Variants in CTNNA3 observed in about 807,000 individuals in gnomAD.
CTNNA3 encodes catenin alpha 3.
CTNNA3 carries 76 observed loss-of-function variants against 95.7 expected under a neutral mutation model. The ratio of observed to expected loss-of-function variants is 0.79; its 90% CI spans 0.66 to 0.96. CTNNA3 has a LOEUF of 0.96. CTNNA3 is among the 40% of genes least tolerant of loss of function. The pLI is 0.00. For synonymous variants in CTNNA3, 431 were observed against 374.4 expected (o/e 1.15, Z -1.74); for missense variants, 1,191 against 1,089.8 (o/e 1.09, Z -1.31).
intron 7 of CTNNA3, chr10:66,926,660 C>A: frequency 6.6e-7 from 1 of 1,520,322 alleles, no homozygotes; most frequent in South Asian, 1.1e-5. Flanking sequence ...TGTAATAATT[C>A]TGCCTTAATT....
intron 3 of CTNNA3, among the ~76,000 whole-genome samples, chr10:67,542,055 G>C (rs1235062222): frequency 2.6e-5 from 4 of 152,078 alleles, no homozygotes; most frequent in African/African-American, 9.7e-5. Flanking sequence ...GTATATTCTT[G>C]TCTTTGTTAA....
chr10:67,666,810 T>G (rs1840339452), intron 1 of CTNNA3, among the ~76,000 whole-genome samples: 1 of 152,186 alleles, frequency 6.6e-6, no homozygotes, highest in African/African-American at 2.4e-5. Context: ...GCTTCTCATC[T>G]GTATCACACT....
intron 12 of CTNNA3, among the ~76,000 whole-genome samples, chr10:66,344,894 G>A (rs1325539214): frequency 3.3e-5 from 5 of 151,794 alleles, no homozygotes; most frequent in Admixed American, 3.3e-4. Flanking sequence ...TTGCCCACAA[G>A]TATAAAGCAA....
intron 3 of CTNNA3, among the ~76,000 whole-genome samples, chr10:67,605,573 T>A (rs1843243723): frequency 2.0e-5 from 3 of 152,368 alleles, no homozygotes; most frequent in Non-Finnish European, 4.4e-5. Flanking sequence ...GTCAATTTAC[T>A]TTATTACAGC....
intron 7 of CTNNA3, among the ~76,000 whole-genome samples, chr10:66,981,079 ATTTTTACTAGAGAG>A (rs1850410219): frequency 6.6e-6 from 1 of 151,776 alleles, no homozygotes; most frequent in Non-Finnish European, 1.5e-5. Flanking sequence ...CTAATTTTGT[ATTTTTACTAGAGAG>A]GGATTTCTCC....
intron 7 of CTNNA3, among the ~76,000 whole-genome samples, chr10:67,041,151 A>G (rs1018680542): frequency 3.9e-5 from 6 of 152,112 alleles, no homozygotes; most frequent in Non-Finnish European, 7.4e-5. Context: ...AATTCAGCCA[A>G]AAATGGTTCC....
At chr10:66,148,795 T>C (rs1267534432) in intron 13 of CTNNA3, among the ~76,000 whole-genome samples, 1 of 152,080 alleles carries the variant, frequency 6.6e-6, no homozygotes, top group Non-Finnish European at 1.5e-5. Context: ...TATGTGTGTA[T>C]GTATTTATAA....
At chr10:66,996,843 A>G (rs1288729476) in intron 7 of CTNNA3, among the ~76,000 whole-genome samples, 1 of 152,026 alleles carries the variant, frequency 6.6e-6, no homozygotes, top group Non-Finnish European at 1.5e-5. Context: ...CAGTAATTCT[A>G]AACAATTCCA....
chr10:67,440,673 G>A (rs1421161599), intron 5 of CTNNA3, among the ~76,000 whole-genome samples: 2 of 152,124 alleles, frequency 1.3e-5, no homozygotes, highest in African/African-American at 4.8e-5. Flanking sequence ...AGTAAGAGAA[G>A]AGAACAAGAG....
intron 9 of CTNNA3, among the ~76,000 whole-genome samples, chr10:66,730,814 T>C (rs1163346110): frequency 6.6e-6 from 1 of 152,190 alleles, no homozygotes; most frequent in Non-Finnish European, 1.5e-5. Flanking sequence ...AAAAATACAC[T>C]TCTATCTTGT....
intron 15 of CTNNA3, among the ~76,000 whole-genome samples, chr10:66,017,566 G>A (rs1270842573): frequency 6.6e-6 from 1 of 152,132 alleles, no homozygotes; most frequent in Non-Finnish European, 1.5e-5. Flanking sequence ...TGCTATAGCT[G>A]TGAAAATTTG....
intron 10 of CTNNA3, among the ~76,000 whole-genome samples, chr10:66,558,057 C>A (rs10997233): frequency 0.016 from 2,468 of 152,138 alleles, 38 homozygotes; most frequent in Non-Finnish European, 0.022. Context: ...GTCAGTGATA[C>A]TGGAATGCCA....
intron 7 of CTNNA3, among the ~76,000 whole-genome samples, chr10:67,089,404 G>C (rs1857494622): frequency 6.6e-6 from 1 of 151,920 alleles, no homozygotes; most frequent in Non-Finnish European, 1.5e-5. Flanking sequence ...GTAGAATCAA[G>C]ATAATTAAAA....
intron 17 of CTNNA3, among the ~76,000 whole-genome samples, chr10:65,926,081 A>G (rs981975650): frequency 6.7e-6 from 1 of 150,182 alleles, no homozygotes; most frequent in Non-Finnish European, 1.5e-5. Context: ...TAGATTACAT[A>G]CATGTTAAAT....
intron 11 of CTNNA3, among the ~76,000 whole-genome samples, chr10:66,483,053 CA>C (rs1437444348): frequency 3.3e-5 from 5 of 152,188 alleles, no homozygotes; most frequent in Non-Finnish European, 7.3e-5. Context: ...AATGAGACAG[CA>C]CTGTCAGAAA....
rs1187248880 is a variant in CTNNA3 at position 66,927,980 on chromosome 10, T to C, written c.1048-152456A>G. 6.2e-7 allele frequency: 1 copy of C among 1,614,098 alleles called. No homozygotes were observed. Among genetic ancestry groups the C allele is most frequent in the African/African-American group, 1.3e-5 (1 of 74,938 alleles). ...CAAGGAGTAAATGTGATCGATGCAGTGAAGAACTACAGCATCTGTGGCAAA... is the reference window on the plus strand; with the variant it reads ...CAAGGAGTAAATGTGATCGATGCAGCGAAGAACTACAGCATCTGTGGCAAA... On this transcript the variant is annotated intron_variant, in intron 7 of 17. Coordinates refer to ENST00000433211, the MANE Select transcript of CTNNA3 (RefSeq NM_013266.4). This position sits in a 1 kb window ranked among gnomAD's most constrained non-coding sequence, Gnocchi z 4.7.
chr10:67,662,708 T>C (rs987074809), intron 1 of CTNNA3, among the ~76,000 whole-genome samples: 1 of 152,214 alleles, frequency 6.6e-6, no homozygotes, highest in African/African-American at 2.4e-5. Flanking sequence ...GTTGATGTAA[T>C]CAGTTGACTG....
chr10:66,161,625 T>C (rs2084850871), intron 13 of CTNNA3, among the ~76,000 whole-genome samples: 2 of 152,360 alleles, frequency 1.3e-5, no homozygotes, highest in South Asian at 4.1e-4. Flanking sequence ...CTCACAGCTC[T>C]TAAGAGTCTT....
chr10:67,062,788 A>T (rs933596939), intron 7 of CTNNA3, among the ~76,000 whole-genome samples: 1 of 152,144 alleles, frequency 6.6e-6, no homozygotes, highest in Non-Finnish European at 1.5e-5. Context: ...CACTTGCAAA[A>T]GATTTGGAAG....
Sources: gnomAD v4.1 joint callset for allele counts (sites outside exome capture counted in the v4.1 genomes callset) on GRCh38, gnomAD v4.1.1 for gene constraint, Gnocchi (gnomAD v3.1) non-coding constraint, MANE v1.5 for transcripts, NCBI Gene and HGNC (gene_info 2026-07-23, HGNC 2026-07-21) for gene names.